GRM7: variants seen among roughly 807,000 people sequenced by gnomAD.
The protein encoded by GRM7 is glutamate metabotropic receptor 7.
GRM7 carries 35 observed loss-of-function variants against 84.5 expected under a neutral mutation model. The ratio of observed to expected loss-of-function variants is 0.41; its 90% confidence interval spans 0.32 to 0.55. The LOEUF (loss-of-function observed/expected upper bound fraction) is 0.55. Among genes scored for constraint, GRM7 ranks in the 20% least tolerant of loss-of-function variants. The pLI is 0.19. For synonymous variants in GRM7, 487 were observed against 455.1 expected (o/e 1.07, Z -0.89); for missense variants, 1,003 against 1,194.6 (o/e 0.84, Z 2.36).
intron 1 of GRM7, among the ~76,000 whole-genome samples, chr3:7,034,824 C>G (rs1158605880): frequency 6.6e-6 from 1 of 152,142 alleles, no homozygotes. Flanking sequence ...CTTCCAGACT[C>G]CACTAGCTCA....
intron 5 of GRM7, among the ~76,000 whole-genome samples, chr3:7,429,842 T>C (rs1696758091): frequency 1.3e-5 from 2 of 152,226 alleles, no homozygotes; most frequent in African/African-American, 4.8e-5. Flanking sequence ...AATTTTTCCT[T>C]GTAAAAAGTT....
In GRM7 at chr3:7,573,449, G is replaced by A. The variant is rs548731767; in HGVS notation, c.1516-4973G>A. ...TAAAATTTTCTTTTAGATAGAGTGT[G>A]TCTGCGTGGGGAAAGGAACAGATCT... On this transcript the variant is annotated intron_variant, in intron 7 of 9. Coordinates refer to ENST00000357716, the MANE Select transcript of GRM7 (RefSeq NM_000844.4). Among the ~76,000 whole-genome samples, 15 of 152,254 alleles carry A rather than the reference G, an allele frequency of 9.9e-5. No individual in the cohort carries two copies. The South Asian group carries it at 1.9e-3, about 19-fold the overall frequency.
chr3:7,145,172 C>G (rs942945761), intron 1 of GRM7, among the ~76,000 whole-genome samples: 1 of 152,068 alleles, frequency 6.6e-6, no homozygotes, highest in Admixed American at 6.6e-5. Context: ...CATATTTGAG[C>G]TACACTGGAC....
chr3:7,013,756 CTA>C (rs1695466806), intron 1 of GRM7, among the ~76,000 whole-genome samples: 1 of 152,064 alleles, frequency 6.6e-6, no homozygotes, highest in African/African-American at 2.4e-5. Context: ...AGTGAGAACC[CTA>C]TCTCTTACAA....
chr3:7,011,013 C>T lies in GRM7; in HGVS notation c.520-135439C>T, dbSNP rs547745223. On this transcript the variant is annotated intron_variant, in intron 1 of 9. Transcript: ENST00000357716. The stretch of plus-strand genomic sequence containing the variant: ...AGCTTGAGAAACAGTGCAGTGGATC[C>T]AGGCCAAGACACTAGAGTCAGAATA... Among the ~76,000 whole-genome samples the T allele has an allele frequency of 5.3e-5, 8 of 152,256 alleles. No individual in the cohort carries two copies. In the East Asian group the frequency reaches 1.4e-3, roughly 26 times the overall value.
intron 2 of GRM7, among the ~76,000 whole-genome samples, chr3:7,216,526 T>C (rs1304197507): frequency 6.6e-6 from 1 of 152,212 alleles, no homozygotes; most frequent in Non-Finnish European, 1.5e-5. Flanking sequence ...AGATTTTATA[T>C]AACCCATAAC....
At chr3:7,103,854 C>CTCTGTCTCTCTT (rs1699209352) in intron 1 of GRM7, among the ~76,000 whole-genome samples, 1 of 123,580 alleles carries the variant, frequency 8.1e-6, no homozygotes, top group African/African-American at 3.6e-5. Flanking sequence ...CTCTCTCTCT[C>CTCTGTCTCTCTT]TCTTTCTTTC....
chr3:7,347,827 T>C (rs1692959204), intron 4 of GRM7, among the ~76,000 whole-genome samples: 1 of 152,164 alleles, frequency 6.6e-6, no homozygotes, highest in Admixed American at 6.6e-5. Context: ...ATATAATTGG[T>C]CTTCAAAGTG....
chr3:7,035,871 T>C (rs1696369737), intron 1 of GRM7, among the ~76,000 whole-genome samples: 1 of 152,254 alleles, frequency 6.6e-6, no homozygotes, highest in Non-Finnish European at 1.5e-5. Context: ...AAGACACAAA[T>C]GTGGCTTAAA....
intron 7 of GRM7, among the ~76,000 whole-genome samples, chr3:7,525,066 G>A (rs1700738609): frequency 1.3e-5 from 2 of 150,372 alleles, no homozygotes; most frequent in African/African-American, 4.9e-5. Context: ...ATTGAACAAT[G>A]AGAACACATG....
intron 8 of GRM7, among the ~76,000 whole-genome samples, chr3:7,617,445 C>T (rs1697144292): frequency 3.3e-5 from 5 of 151,376 alleles, no homozygotes. Flanking sequence ...GATAAAACAG[C>T]TAAAAGTAAA....
intron 2 of GRM7, among the ~76,000 whole-genome samples, chr3:7,153,728 G>T (rs1164014304): frequency 6.6e-6 from 1 of 151,978 alleles, no homozygotes; most frequent in Non-Finnish European, 1.5e-5. Context: ...TATCTGAATG[G>T]TAGGTACTAT....
intron 8 of GRM7, among the ~76,000 whole-genome samples, chr3:7,662,330 G>A (rs957415234): frequency 6.6e-6 from 1 of 152,174 alleles, no homozygotes; most frequent in Non-Finnish European, 1.5e-5. Flanking sequence ...TTTCTCTGGT[G>A]TACATCTGTC....
chr3:7,322,198 A>G (rs996106964), intron 4 of GRM7, among the ~76,000 whole-genome samples: 4 of 152,062 alleles, frequency 2.6e-5, no homozygotes, highest in Non-Finnish European at 4.4e-5. Context: ...CTTCTAGTGG[A>G]CGCTTATAAT....
At chr3:7,157,620 A>G (rs1694495417) in intron 2 of GRM7, among the ~76,000 whole-genome samples, 1 of 152,100 alleles carries the variant, frequency 6.6e-6, no homozygotes, top group Non-Finnish European at 1.5e-5. Flanking sequence ...ATTTTCCAAG[A>G]TTTACATCTG....
intron 4 of GRM7, among the ~76,000 whole-genome samples, chr3:7,361,335 A>G (rs1431180463): frequency 6.6e-6 from 1 of 152,090 alleles, no homozygotes; most frequent in Non-Finnish European, 1.5e-5. Flanking sequence ...CCAGCCTGCA[A>G]AAAAGAACAA....
At chr3:7,173,822 T>G (rs987614016) in intron 2 of GRM7, among the ~76,000 whole-genome samples, 1 of 152,222 alleles carries the variant, frequency 6.6e-6, no homozygotes. Context: ...AGTTTCCTCT[T>G]TAATAGCTTA....
At chr3:7,561,672 G>C in intron 7 of GRM7, 1 of 396,608 alleles carries the variant, frequency 2.5e-6, no homozygotes, top group Non-Finnish European at 5.2e-6. Context: ...CACTCTATTT[G>C]TCTAATTCTC....
In GRM7 at chr3:6,863,920, G is replaced by T. The variant is rs778947069; in HGVS notation, c.519+2013G>T. On this transcript the variant is annotated intron_variant, in intron 1 of 9. Coordinates refer to ENST00000357716, the MANE Select transcript of GRM7 (RefSeq NM_000844.4). The surrounding 1 kb of genome is among the most constrained non-coding windows in gnomAD (Gnocchi z 4.8). ...AGTCAAGAAAGGGGTTACAGACTAG[G>T]CTGAGGGACTGTGTTTGCTGAAAAA... is the stretch of plus-strand genomic sequence containing the variant. Among the ~76,000 whole-genome samples, 28 of 152,140 alleles carry T rather than the reference G, an allele frequency of 1.8e-4. No homozygotes were observed. Among genetic ancestry groups the T allele is most frequent in the Non-Finnish European group, 2.8e-4 (19 of 68,032 alleles).
Sources: allele counts gnomAD v4.1 joint callset (sites outside exome capture counted in the v4.1 genomes callset), GRCh38; gene constraint gnomAD v4.1.1; non-coding constraint Gnocchi (gnomAD v3.1); transcripts MANE v1.5; gene names NCBI Gene and HGNC (gene_info 2026-07-23, HGNC 2026-07-21).